The following SIPA1L2 variants were observed in gnomAD, a reference collection of about 807,000 sequenced individuals.
SIPA1L2 encodes the protein signal induced proliferation associated 1 like 2.
A neutral mutation model predicts 163.9 loss-of-function variants in SIPA1L2; 56 were observed. That is an observed-to-expected ratio of 0.34 (90% CI 0.28 to 0.43). The LOEUF is 0.43. Ranked by LOEUF, SIPA1L2 falls within the 20% of genes least tolerant of loss-of-function variation. The pLI, the probability that SIPA1L2 is intolerant of heterozygous loss-of-function variation, is 1.00. For synonymous variants in SIPA1L2, 877 were observed against 865.7 expected, an observed-to-expected ratio of 1.01 and a Z score of -0.23; for missense variants, 1,974 against 2,193.5, an observed-to-expected ratio of 0.90 and a Z score of 2.00.
Position 232,419,558 on chromosome 1 carries a change from G to A in SIPA1L2, c.4631-3933C>T, listed in dbSNP as rs71638435. 2.6e-3 allele frequency among the ~76,000 whole-genome samples: 397 copies of A among 152,150 alleles called. 3 individuals are homozygous for A. Among genetic ancestry groups the A allele is most frequent in the South Asian group, 5.6e-3 (27 of 4,814 alleles). On this transcript the variant is annotated intron_variant, in intron 18 of 22. Transcript: ENST00000674635. ...TGAGTTCTCGTGAGAGTGAGTTCTCGTGAGATCTGGTTGAGTGTGGCATCT... is the reference window on the plus strand; with the variant it reads ...TGAGTTCTCGTGAGAGTGAGTTCTCATGAGATCTGGTTGAGTGTGGCATCT...
intron 11 of SIPA1L2, among the ~76,000 whole-genome samples, chr1:232,445,017 TTTTAAACA>T: frequency 6.6e-6 from 1 of 152,240 alleles, no homozygotes; most frequent in Non-Finnish European, 1.5e-5. Flanking sequence ...TGGATTTAAC[TTTTAAACA>T]AGTGTATGCA....
intron 18 of SIPA1L2, among the ~76,000 whole-genome samples, chr1:232,425,076 T>G (rs1026502703): frequency 6.6e-6 from 1 of 152,146 alleles, no homozygotes; most frequent in Non-Finnish European, 1.5e-5. Flanking sequence ...ACACACGTCA[T>G]CTGCACAGGA....
chr1:232,612,319 G>A (rs1662282752), intron 1 of SIPA1L2, among the ~76,000 whole-genome samples: 1 of 152,202 alleles, frequency 6.6e-6, no homozygotes, highest in African/African-American at 2.4e-5. Flanking sequence ...TAGTGGAGCT[G>A]TGAGAAGAGG....
In SIPA1L2 at chr1:232,435,529, C is replaced by A. The variant is rs997251663; in HGVS notation, c.4032-3058G>T. ...TCTTCTTTCGGAGTTATACTGCTGA[C>A]GTCCAGTCATTTGTACCAGGAGAAA... On this transcript the variant is annotated intron_variant, in intron 15 of 22. Coordinates refer to ENST00000674635, the MANE Select transcript of SIPA1L2 (RefSeq NM_020808.5). Among the ~76,000 whole-genome samples, 5 of 152,274 alleles carry A rather than the reference C, an allele frequency of 3.3e-5. No homozygotes were observed. The East Asian group carries it at 7.7e-4, about 24-fold the overall frequency.
intron 14 of SIPA1L2, 128 bp downstream of exon 14, chr1:232,441,163 C>T: frequency 6.0e-6 from 4 of 672,184 alleles, no homozygotes; most frequent in Non-Finnish European, 7.2e-6. Flanking sequence ...CCTTTTTTAA[C>T]CTCACCTCTA....
At chr1:232,504,585 A>T (rs2103024252) in intron 3 of SIPA1L2, among the ~76,000 whole-genome samples, 1 of 152,306 alleles carries the variant, frequency 6.6e-6, no homozygotes, top group South Asian at 2.1e-4. Context: ...AGAAGTATCA[A>T]ACACCTTTGT....
intron 10 of SIPA1L2, among the ~76,000 whole-genome samples, chr1:232,448,685 T>C (rs1179720963): frequency 3.9e-5 from 6 of 152,218 alleles, no homozygotes; most frequent in Non-Finnish European, 8.8e-5. Context: ...AAGACCACTG[T>C]CTTTGCAGAA....
At chr1:232,406,005 C>A (rs1444215310) in intron 19 of SIPA1L2, among the ~76,000 whole-genome samples, 1 of 152,082 alleles carries the variant, frequency 6.6e-6, no homozygotes, top group East Asian at 1.9e-4. Context: ...GTTTTGCCAG[C>A]AATGTAATTT....
intron 19 of SIPA1L2, among the ~76,000 whole-genome samples, chr1:232,406,183 T>C (rs569419234): frequency 6.6e-6 from 1 of 152,314 alleles, no homozygotes; most frequent in South Asian, 2.1e-4. Context: ...ATGATAAATA[T>C]TCAATAATCA....
At chr1:232,404,311 G>C in intron 19 of SIPA1L2, 133 bp from the exon 20 acceptor site, 1 of 702,328 alleles carries the variant, frequency 1.4e-6, no homozygotes. Context: ...TTGAGAGCCA[G>C]TATCATGTAA....
At chr1:232,484,480 G>A (rs2357071) in intron 5 of SIPA1L2, among the ~76,000 whole-genome samples, 38,286 of 152,070 alleles carry the variant, frequency 0.25, 4,950 homozygotes, top group Admixed American at 0.35. Flanking sequence ...GTAAGGGTAG[G>A]ATTCCAATGG....
intron 19 of SIPA1L2, among the ~76,000 whole-genome samples, chr1:232,406,890 T>C (rs1660670044): frequency 6.6e-6 from 1 of 152,252 alleles, no homozygotes; most frequent in Admixed American, 6.5e-5. Flanking sequence ...TTGTTAGAAC[T>C]GCAAACTAAA....
Position 232,568,869 on chromosome 1 carries a change from TC to T in SIPA1L2, c.-270+5304del, listed in dbSNP as rs1313179973. On this transcript the variant is annotated intron_variant, in intron 2 of 22. Transcript: ENST00000674635. ...GAGGACACACAGATCCACAGTCATC[TC>T]AGCTCACTAGTATTCTCCCAGTATT... Among the ~76,000 whole-genome samples, 15 of 152,354 alleles carry T rather than the reference TC, an allele frequency of 9.8e-5. No individual in the cohort carries two copies. In the East Asian group the frequency reaches 2.9e-3, roughly 29 times the overall value.
rs148044484 is a variant in SIPA1L2 at position 232,507,542 on chromosome 1, A to C, written c.1483+6315T>G. 1.9e-3 allele frequency among the ~76,000 whole-genome samples: 288 copies of C among 152,332 alleles called. 2 individuals are homozygous for C. Among genetic ancestry groups the C allele is most frequent in the Middle Eastern group, 6.8e-3 (2 of 294 alleles). ...TGGGACACTGACTTAAACTCTTATA[A>C]AGATAAATTACTTTTTCAAGTAAAG... On this transcript the variant is annotated intron_variant, in intron 3 of 22. Coordinates refer to ENST00000674635, the MANE Select transcript of SIPA1L2 (RefSeq NM_020808.5).
Position 232,465,398 on chromosome 1 carries a change from T to G in SIPA1L2, c.2262A>C (p.Ser754=). 6.2e-7 allele frequency: 1 copy of G among 1,609,286 alleles called. No individual in the cohort carries two copies. Among genetic ancestry groups the G allele is most frequent in the Non-Finnish European group, 8.5e-7 (1 of 1,176,354 alleles). Residue 754 remains serine, a synonymous_variant, in exon 9 of 23, where the codon TCA becomes TCC. Coordinates refer to ENST00000674635, the MANE Select transcript of SIPA1L2 (RefSeq NM_020808.5). The surrounding 1 kb of genome is among the most constrained non-coding windows in gnomAD (Gnocchi z 4.1). ...NVCYSVGVSR[S]KDVPPFGPPI... ...GTGGGCCAAATGGTGGCACATCTTT[T>G]GATCTGGAAACTCCAACACTGAGGA...
intron 1 of SIPA1L2, among the ~76,000 whole-genome samples, chr1:232,603,362 A>G (rs1661710019): frequency 6.6e-6 from 1 of 151,230 alleles, no homozygotes; most frequent in South Asian, 2.2e-4. Flanking sequence ...GTGATCGATC[A>G]TGCAAAGTGA....
chr1:232,540,006 T>A (rs1657547731), intron 2 of SIPA1L2, among the ~76,000 whole-genome samples: 1 of 152,068 alleles, frequency 6.6e-6, no homozygotes, highest in South Asian at 2.1e-4. Flanking sequence ...CCCAGCAAGT[T>A]AAAACTTCAA....
intron 2 of SIPA1L2, among the ~76,000 whole-genome samples, chr1:232,530,793 A>G (rs1305077522): frequency 7.6e-6 from 1 of 131,066 alleles, no homozygotes; most frequent in African/African-American, 3.1e-5. Flanking sequence ...TGGCTTCAAC[A>G]TAATTCTAAT....
At position 232,513,888 on chromosome 1, in the gene SIPA1L2, G is replaced by A. The variant is rs1357003094; in HGVS notation, c.1452C>T (p.Ala484=). 6.3e-7 allele frequency: 1 copy of A among 1,590,012 alleles called. No individual in the cohort carries two copies. The stretch of plus-strand genomic sequence containing the variant: ...CATAGAAGAATTTGCGGTAATAATA[G>A]GCCCCAAGGTCAATGTGTTCTATGA... ...RYIIEHIDLG[A]YYYRKFFYGK... is the part of the protein sequence containing the mutation. The change falls in exon 3 of 23, where the codon GCC becomes GCT. Residue 484 remains alanine, a synonymous_variant. Transcript: ENST00000674635.
Sources: gnomAD v4.1 joint callset for allele counts (sites outside exome capture counted in the v4.1 genomes callset) on GRCh38, gnomAD v4.1.1 for gene constraint, Gnocchi (gnomAD v3.1) non-coding constraint, MANE v1.5 for transcripts, NCBI Gene and HGNC (gene_info 2026-07-23, HGNC 2026-07-21) for gene names.